Variants in SH3BP5 observed in about 807,000 individuals in gnomAD.
The protein encoded by SH3BP5 is SH3 domain-binding protein 5.
A neutral mutation model predicts 43.3 loss-of-function variants in SH3BP5; 22 were observed. The ratio of observed to expected loss-of-function variants is 0.51; its 90% confidence interval spans 0.36 to 0.73. The LOEUF (loss-of-function observed/expected upper bound fraction) is 0.73, where lower values mean the gene tolerates loss of function less well. SH3BP5 is among the 30% of genes least tolerant of loss of function. The pLI, the probability that SH3BP5 is intolerant of heterozygous loss-of-function variation, is 0.00. For missense variants in SH3BP5, 529 were observed against 586.9 expected (o/e 0.90, Z 1.02); for synonymous variants, 255 against 225.8 (o/e 1.13, Z -1.16).
rs551076825 is a variant in SH3BP5 at position 15,274,343 on chromosome 3, C to A, written c.331-4466G>T. ...TCGGCTCACAGTTCAGCAGGCTGTACAAGAAGCCTGATTCTGGTATCTGCT... is the reference window on the plus strand; with the variant it reads ...TCGGCTCACAGTTCAGCAGGCTGTAAAAGAAGCCTGATTCTGGTATCTGCT... On this transcript the variant is annotated intron_variant, in intron 3 of 8. Transcript: ENST00000383791. 1.6e-4 allele frequency among the ~76,000 whole-genome samples: 24 copies of A among 152,176 alleles called. No individual in the cohort carries two copies. The South Asian group carries it at 4.6e-3, about 29-fold the overall frequency.
chr3:15,328,926 A>G (rs9811737), intron 2 of SH3BP5, among the ~76,000 whole-genome samples: 27,018 of 152,130 alleles, frequency 0.18, 2,428 homozygotes, highest in Middle Eastern at 0.3. Flanking sequence ...ATATAGTGGC[A>G]ACTGGGCTCT....
chr3:15,310,022 T>C (rs982495920), intron 2 of SH3BP5, among the ~76,000 whole-genome samples: 1 of 151,784 alleles, frequency 6.6e-6, no homozygotes, highest in South Asian at 2.1e-4. Flanking sequence ...ACCAAAATCT[T>C]TCCTGTCTCC....
chr3:15,321,812 CAA>C (rs35283423), intron 2 of SH3BP5, among the ~76,000 whole-genome samples: 205 of 132,178 alleles, frequency 1.6e-3, no homozygotes, highest in Non-Finnish European at 1.5e-3. Context: ...ATCAAATTGC[CAA>C]AAAAAAAAAA....
chr3:15,287,778 G>A (rs1279085478), intron 3 of SH3BP5, among the ~76,000 whole-genome samples: 2 of 152,096 alleles, frequency 1.3e-5, no homozygotes, highest in South Asian at 2.1e-4. Context: ...ACACCACGAC[G>A]TACCCTGCAA....
chr3:15,339,202 T>A (rs1698735258), intron 1 of SH3BP5, among the ~76,000 whole-genome samples: 1 of 152,190 alleles, frequency 6.6e-6, no homozygotes, highest in South Asian at 2.1e-4. Context: ...GACATCAGTG[T>A]GTTGCCAAAT....
chr3:15,258,963 TCATCTC>T lies in SH3BP5; in HGVS notation c.751_756del (p.Glu251_Met252del), dbSNP rs1159023534. 5 of 1,614,074 alleles carry T rather than the reference TCATCTC, an allele frequency of 3.1e-6. No individual in the cohort carries two copies. The highest frequency in any genetic ancestry group is 4.2e-6 in the Non-Finnish European group (5 of 1,180,046). On this transcript the variant is annotated inframe_deletion, in exon 7 of 9. Transcript: ENST00000383791. Reference sequence around the variant, plus strand: ...CGCCGCTCGTGGATCTCATCTGAGATCATCTCCAGGTTCTTCAGGGCCATCTTGTAC... The same window carrying T: ...CGCCGCTCGTGGATCTCATCTGAGATCAGGTTCTTCAGGGCCATCTTGTAC...
intron 3 of SH3BP5, among the ~76,000 whole-genome samples, chr3:15,279,680 T>C (rs1315856567): frequency 6.6e-6 from 1 of 152,132 alleles, no homozygotes; most frequent in Admixed American, 6.5e-5. Context: ...TTGTCTATTT[T>C]GCATATATTT....
rs1378194663 is a variant in SH3BP5 at position 15,327,236 on chromosome 3, C to T, written c.201+3268G>A. Among the ~76,000 whole-genome samples, 7 of 151,896 alleles carry T rather than the reference C, an allele frequency of 4.6e-5. No individual in the cohort carries two copies. The East Asian group carries it at 1.2e-3, about 25-fold the overall frequency. ...CCAACATGGTGAAACCCCATCTCTA[C>T]TAAAAATACAAAAATTAGCCAGGCA... On this transcript the variant is annotated intron_variant, in intron 2 of 8. Coordinates refer to ENST00000383791, the MANE Select transcript of SH3BP5 (RefSeq NM_004844.5).
intron 2 of SH3BP5, among the ~76,000 whole-genome samples, chr3:15,320,861 G>T (rs1698309198): frequency 6.6e-6 from 1 of 152,272 alleles, no homozygotes; most frequent in East Asian, 1.9e-4. Flanking sequence ...TACAGCTGGG[G>T]ATACAGTCAC....
At chr3:15,258,798 C>A (rs892099700) in intron 7 of SH3BP5, 33 bp downstream of exon 7, 2 of 1,553,004 alleles carry the variant, frequency 1.3e-6, no homozygotes, top group Non-Finnish European at 1.8e-6. Context: ...AGTCTGATAT[C>A]TCCCCACATA....
chr3:15,300,322 T>G (rs1237078953), intron 3 of SH3BP5, among the ~76,000 whole-genome samples: 1 of 152,124 alleles, frequency 6.6e-6, no homozygotes, highest in African/African-American at 2.4e-5. Context: ...AAGGCCAACC[T>G]CATGAGATAG....
At chr3:15,261,676 G>C (rs753635202) in intron 5 of SH3BP5, among the ~76,000 whole-genome samples, 2 of 149,672 alleles carry the variant, frequency 1.3e-5, no homozygotes, top group African/African-American at 2.5e-5. Flanking sequence ...AAAATATACA[G>C]GGCTGTAGTG....
intron 7 of SH3BP5, 36 bp downstream of exon 7, chr3:15,258,795 T>TCCA: frequency 1.3e-6 from 2 of 1,552,850 alleles, no homozygotes; most frequent in Non-Finnish European, 1.8e-6. Context: ...CACAGTCTGA[T>TCCA]ATCTCCCCAC....
In SH3BP5 at chr3:15,262,296, A is replaced by T; in HGVS notation, c.496-7T>A. On this transcript the variant is annotated splice_region_variant and splice_polypyrimidine_tract_variant and intron_variant, in intron 4 of 8. Coordinates refer to ENST00000383791, the MANE Select transcript of SH3BP5 (RefSeq NM_004844.5). ...TCTGCTCCGCCTCCATGACCTTAAA[A>T]TGACAGCAGAGTTCAGCCCAGTCCA... 1 of 1,614,062 alleles carries T rather than the reference A, an allele frequency of 6.2e-7. No homozygotes were observed. Among genetic ancestry groups the T allele is most frequent in the Non-Finnish European group, 8.5e-7 (1 of 1,179,944 alleles).
intron 3 of SH3BP5, among the ~76,000 whole-genome samples, chr3:15,274,096 A>G (rs1696891975): frequency 6.6e-6 from 1 of 152,044 alleles, no homozygotes; most frequent in Non-Finnish European, 1.5e-5. Flanking sequence ...ATACAAAAAA[A>G]TTAGCTGGGT....
chr3:15,302,735 A>G (rs1697786138), intron 3 of SH3BP5, among the ~76,000 whole-genome samples: 1 of 152,088 alleles, frequency 6.6e-6, no homozygotes, highest in East Asian at 1.9e-4. Flanking sequence ...TCTCCCCCAC[A>G]GTGCACAACA....
rs200106805 is a variant in SH3BP5 at position 15,256,981 on chromosome 3, A to G, written c.1022T>C (p.Val341Ala). The change falls in exon 8 of 9, where the codon GTT becomes GCT. Residue 341 changes from valine to alanine, a missense_variant. Coordinates refer to ENST00000383791, the MANE Select transcript of SH3BP5 (RefSeq NM_004844.5). ...CAGATCCAGGCTGCCAGGCCTCACA[A>G]CCGCAGGGAACTGGTCAGGCATCTC... ...PSEMPDQFPA[V>A]VRPGSLDLPS... The G allele has an allele frequency of 7.4e-6, 12 of 1,614,158 alleles. No individual in the cohort carries two copies. The highest frequency in any genetic ancestry group is 3.3e-5 in the Admixed American group (2 of 60,024).
At chr3:15,340,009 A>G (rs1419334480) in intron 1 of SH3BP5, among the ~76,000 whole-genome samples, 1 of 152,174 alleles carries the variant, frequency 6.6e-6, no homozygotes, top group Non-Finnish European at 1.5e-5. Flanking sequence ...AGGAGGAGAG[A>G]ATACTTCTGT....
chr3:15,258,478 A>T, intron 7 of SH3BP5: 1 of 299,772 alleles, frequency 3.3e-6, no homozygotes, highest in Non-Finnish European at 6.3e-6. Context: ...CCTTGCCCAC[A>T]TCATGCCTTA....
Sources: allele counts gnomAD v4.1 joint callset (sites outside exome capture counted in the v4.1 genomes callset), GRCh38; gene constraint gnomAD v4.1.1; transcripts MANE v1.5; gene names NCBI Gene and HGNC (gene_info 2026-07-23, HGNC 2026-07-21).